Variants in ELK4 observed in about 807,000 individuals in gnomAD.
The protein encoded by ELK4 is ETS transcription factor ELK4.
ELK4 carries 16 observed loss-of-function variants against 29.6 expected under a neutral mutation model. The ratio of observed to expected loss-of-function variants is 0.54; its 90% confidence interval spans 0.37 to 0.82. The LOEUF (loss-of-function observed/expected upper bound fraction) is 0.82, where lower values mean the gene tolerates loss of function less well. Ranked by LOEUF, ELK4 falls within the 40% of genes least tolerant of loss-of-function variation. ELK4 has a pLI of 0.00. For synonymous variants in ELK4, 213 were observed against 191.1 expected (o/e 1.11, Z -0.95); for missense variants, 465 against 507.1 (o/e 0.92, Z 0.80).
intron 4 of ELK4, 44 bp from the exon 5 acceptor site, chr1:205,616,688 C>A: frequency 6.4e-7 from 1 of 1,550,420 alleles, no homozygotes; most frequent in East Asian, 2.3e-5. Flanking sequence ...TTACTCAACC[C>A]CAACTTTTAC....
intron 4 of ELK4, among the ~76,000 whole-genome samples, chr1:205,618,334 ATT>A (rs1000186153): frequency 1.4e-5 from 2 of 145,602 alleles, no homozygotes; most frequent in Admixed American, 6.9e-5. Flanking sequence ...TGCCTGGCCC[ATT>A]TTTTTTTTTT....
Position 205,616,056 on chromosome 1 carries a change from C to G in ELK4, c.*490G>C, listed in dbSNP as rs1670227436. 1 of 227,378 alleles carries G rather than the reference C, an allele frequency of 4.4e-6. No individual in the cohort carries two copies. The highest frequency in any genetic ancestry group is 8.8e-6 in the Non-Finnish European group (1 of 113,894). The allele number at this position is 227,378 out of a possible 1,614,324, so 14.1% of individuals were successfully genotyped here. ...TTCTTCTTCTTCCACTGCTTAGGAA[C>G]AGCTCACTTTAAGTCATTCAACAGA... On this transcript the variant is annotated 3_prime_UTR_variant, in exon 5 of 5. Coordinates refer to ENST00000357992, the MANE Select transcript of ELK4 (RefSeq NM_001973.4).
At chr1:205,627,032 T>C (rs114099162) in intron 1 of ELK4, among the ~76,000 whole-genome samples, 2 of 152,164 alleles carry the variant, frequency 1.3e-5, no homozygotes, top group East Asian at 1.9e-4. Context: ...AAGTGACTAA[T>C]AGAAGCCAGT....
chr1:205,620,247 T>A lies in ELK4; in HGVS notation c.799A>T (p.Thr267Ser). Residue 267 changes from threonine to serine, a missense_variant, in exon 3 of 5, where the codon ACA becomes TCA. Transcript: ENST00000357992. ...TGAGAACTCAGTGGTGGTGAAGGTGTTCTGGGAGGTTCCTGCAAAGGGGGT... is the reference window on the plus strand; with the variant it reads ...TGAGAACTCAGTGGTGGTGAAGGTGATCTGGGAGGTTCCTGCAAAGGGGGT... ...SIPPLQEPPR[T>S]PSPPLSSHPD... 6.2e-7 allele frequency: 1 copy of A among 1,614,160 alleles called. No homozygotes were observed. The highest frequency in any genetic ancestry group is 1.7e-5 in the Admixed American group (1 of 60,006).
In ELK4 at chr1:205,611,034, A is replaced by C; in HGVS notation, c.*5512T>G. The C allele has an allele frequency of 4.5e-6, 1 of 220,456 alleles. No individual in the cohort carries two copies. The allele number at this position is 220,456 out of a possible 1,614,324, so 13.7% of individuals were successfully genotyped here. On this transcript the variant is annotated 3_prime_UTR_variant, in exon 5 of 5. Coordinates refer to ENST00000357992, the MANE Select transcript of ELK4 (RefSeq NM_001973.4). ...AAAAGTTTCCTTTAAAATTATGTCA[A>C]CAACAGCATGAATTTCCTGTTTTCT...
chr1:205,619,748 T>C, intron 3 of ELK4: 6 of 1,489,324 alleles, frequency 4.0e-6, no homozygotes, highest in South Asian at 1.5e-5. Flanking sequence ...TATTTACTTG[T>C]AGAACAATGA....
At chr1:205,617,984 T>TGA (rs898266780) in intron 4 of ELK4, among the ~76,000 whole-genome samples, 16 of 131,422 alleles carry the variant, frequency 1.2e-4, no homozygotes, top group East Asian at 7.5e-4. Context: ...TGTGTGTGTG[T>TGA]GAGAGAGAGA....
At position 205,621,660 on chromosome 1, in the gene ELK4, T is replaced by C. The variant is rs771424898; in HGVS notation, c.208-822A>G. Among the ~76,000 whole-genome samples, 49 of 152,110 alleles carry C rather than the reference T, an allele frequency of 3.2e-4. 1 individual carries two copies. Among genetic ancestry groups the C allele is most frequent in the Admixed American group, 2.0e-3 (30 of 15,282 alleles). ...TCAGCCTCCCAAGTAGGTGGGATTA[T>C]AGGCACACATCACCATGCCCAGCTA... On this transcript the variant is annotated intron_variant, in intron 2 of 4. Coordinates refer to ENST00000357992, the MANE Select transcript of ELK4 (RefSeq NM_001973.4).
At chr1:205,617,585 A>T (rs562582343) in intron 4 of ELK4, among the ~76,000 whole-genome samples, 1 of 152,016 alleles carries the variant, frequency 6.6e-6, no homozygotes, top group East Asian at 1.9e-4. Flanking sequence ...TACCATTTTC[A>T]AGACCTTTCT....
chr1:205,620,201 A>ATGTCTG lies in ELK4; in HGVS notation c.839_844dup (p.Thr280_Asp281dup). ...CATTGGCTGAGAAGCCACTGAATCAATGTCTGTGTCGATGTCTGGGTGAGA... is the reference window on the plus strand; with the variant it reads ...CATTGGCTGAGAAGCCACTGAATCAATGTCTGTGTCTGTGTCGATGTCTGGGTGAGA... On this transcript the variant is annotated inframe_insertion, in exon 3 of 5. Coordinates refer to ENST00000357992, the MANE Select transcript of ELK4 (RefSeq NM_001973.4). 3 of 1,614,226 alleles carry ATGTCTG rather than the reference A, an allele frequency of 1.9e-6. No homozygotes were observed. The African/African-American group carries it at 4.0e-5, about 22-fold the overall frequency.
intron 3 of ELK4, chr1:205,619,730 A>G (rs903604066): frequency 2.1e-6 from 3 of 1,456,280 alleles, no homozygotes; most frequent in African/African-American, 2.9e-5. Flanking sequence ...TAGAAAAATC[A>G]AAATATTTAT....
intron 1 of ELK4, among the ~76,000 whole-genome samples, chr1:205,624,726 A>G (rs983798829): frequency 6.6e-6 from 1 of 152,112 alleles, no homozygotes; most frequent in Admixed American, 6.6e-5. Context: ...TGTCCTGTAC[A>G]CTGCAGTTTG....
chr1:205,618,886 G>A, intron 4 of ELK4, 71 bp downstream of exon 4: 1 of 1,137,456 alleles, frequency 8.8e-7, no homozygotes, highest in Non-Finnish European at 1.3e-6. Context: ...TGAATAGTGG[G>A]ACCCTGCCTT....
rs900536348 is a variant in ELK4 at position 205,631,746 on chromosome 1, C to G, written c.-124G>C. 1 of 302,950 alleles carries G rather than the reference C, an allele frequency of 3.3e-6. No homozygotes were observed. Among genetic ancestry groups the G allele is most frequent in the African/African-American group, 2.2e-5 (1 of 44,592 alleles). 18.8% of individuals were successfully genotyped at this position (302,950 alleles called of 1,614,324 possible). Reference sequence around the variant, plus strand: ...AGGACGGCGCGGCAGCCGCTGCGACCCCCGCGGCGGAGCCGTAGAAGGCGG... The same window carrying G: ...AGGACGGCGCGGCAGCCGCTGCGACGCCCGCGGCGGAGCCGTAGAAGGCGG... On this transcript the variant is annotated 5_prime_UTR_variant, in exon 1 of 5. Transcript: ENST00000357992.
intron 1 of ELK4, among the ~76,000 whole-genome samples, chr1:205,624,648 T>C (rs1670417551): frequency 6.6e-6 from 1 of 152,218 alleles, no homozygotes; most frequent in Admixed American, 6.5e-5. Flanking sequence ...TCTCCCTGTT[T>C]AGGCCAGAGT....
intron 1 of ELK4, chr1:205,626,074 T>C: frequency 5.5e-6 from 6 of 1,093,758 alleles, no homozygotes; most frequent in Non-Finnish European, 8.5e-6. Context: ...AGTGCCACAA[T>C]GGGTCAGCTC....
rs1019737806 is a variant in ELK4, at chr1:205,612,137, CAT to C, written c.*4407_*4408del. On this transcript the variant is annotated 3_prime_UTR_variant, in exon 5 of 5. Transcript: ENST00000357992. The stretch of plus-strand genomic sequence containing the variant: ...GTAATAGGAATAAAGCTGTGGAAAA[CAT>C]GTGGTAATGGATTATTATTTGGGAA... The C allele has an allele frequency of 4.5e-5, 9 of 199,322 alleles. No individual in the cohort carries two copies. The highest frequency in any genetic ancestry group is 7.2e-5 in the Non-Finnish European group (7 of 96,672). 12.3% of individuals were successfully genotyped at this position (199,322 alleles called of 1,614,324 possible).
intron 1 of ELK4, chr1:205,625,676 CTTCT>C (rs1670440108): frequency 1.2e-6 from 1 of 813,478 alleles, no homozygotes; most frequent in Non-Finnish European, 2.1e-6. Context: ...GCTGCTGCTG[CTTCT>C]TTTTTTTTTT....
rs1214030998 is a variant in ELK4 at position 205,613,966 on chromosome 1, TGA to T, written c.*2578_*2579del. ...GCATATATTCAACAGAATATGAAGC[TGA>T]GACTTTTCCAGGAAGGAGGTAGTCT... On this transcript the variant is annotated 3_prime_UTR_variant, in exon 5 of 5. Transcript: ENST00000357992. 1 of 222,658 alleles carries T rather than the reference TGA, an allele frequency of 4.5e-6. No homozygotes were observed. The highest frequency in any genetic ancestry group is 6.5e-5 in the East Asian group (1 of 15,370). The allele number at this position is 222,658 out of a possible 1,614,324, so 13.8% of individuals were successfully genotyped here. A position where few individuals can be genotyped will look rare whatever the true frequency, so the allele number is the denominator to read the frequency against.
Sources: allele counts gnomAD v4.1 joint callset (sites outside exome capture counted in the v4.1 genomes callset), GRCh38; gene constraint gnomAD v4.1.1; transcripts MANE v1.5; gene names NCBI Gene and HGNC (gene_info 2026-07-23, HGNC 2026-07-21).